The following ZNF91 variants were observed in gnomAD, a reference collection of about 807,000 sequenced individuals.
The protein encoded by ZNF91 is zinc finger protein 91, also known as zinc finger protein 91 (HPF7, HTF10).
Under a neutral mutation model 12.6 loss-of-function variants are expected in ZNF91, and 7 were observed. That is an observed-to-expected ratio of 0.55 (90% confidence interval 0.31 to 1.04). ZNF91 has a LOEUF of 1.04. Among genes scored for constraint, ZNF91 ranks in the 50% least tolerant of loss-of-function variants. The probability of loss-of-function intolerance (pLI) is 0.05; values close to 1 mark genes in which losing one functional copy is unlikely to be tolerated. For synonymous variants in ZNF91, 453 were observed against 462.6 expected, an observed-to-expected ratio of 0.98 and a Z score of 0.27; for missense variants, 1,217 against 1,385.4, an observed-to-expected ratio of 0.88 and a Z score of 1.93.
In ZNF91 at chr19:23,360,640, A is replaced by G; in HGVS notation, c.2339T>C (p.Ile780Thr). The change falls in exon 4 of 4, where the codon ATA (isoleucine) becomes ACA (threonine). Residue 780 changes from isoleucine (I) to threonine (T), a missense_variant. Ile to Thr is a moderately conservative substitution (Grantham distance 89, BLOSUM62 -1). This residue lies in a region of ZNF91 where 491 missense variants were observed against 489.8 expected (regional missense o/e 1.00). Transcript: ENST00000300619. ...FKCKECGKAF[I>T]WSSTLTRHKR... ...ATGTCTAGTTAGGGTTGAAGACCAT[A>G]TAAATGCTTTGCCACATTCTTTACA... The G allele has an allele frequency of 6.2e-7, 1 of 1,612,452 alleles. No homozygotes were observed. Among genetic ancestry groups the G allele is most frequent in the Non-Finnish European group, 8.5e-7 (1 of 1,179,598 alleles).
downstream of ZNF91, among the ~76,000 whole-genome samples, chr19:23,356,731 A>G (rs1453974701): frequency 3.3e-5 from 5 of 151,546 alleles, no homozygotes; most frequent in African/African-American, 1.2e-4. Flanking sequence ...TAACTTATGG[A>G]ACAATAAAAT....
intron 3 of ZNF91, among the ~76,000 whole-genome samples, chr19:23,344,638 T>C (rs145880921): frequency 6.6e-6 from 1 of 152,296 alleles, no homozygotes; most frequent in Non-Finnish European, 1.5e-5. Context: ...AGAGAGCTGA[T>C]GAAGCATTCA....
At chr19:23,367,737 A>G (rs752171458) in intron 3 of ZNF91, among the ~76,000 whole-genome samples, 32 of 152,204 alleles carry the variant, frequency 2.1e-4, no homozygotes, top group Admixed American at 2.1e-3. Flanking sequence ...CCTTCTGTAT[A>G]TGGCCAAATA....
chr19:23,375,915 A>C (rs1267819547), intron 1 of ZNF91, among the ~76,000 whole-genome samples: 1 of 152,174 alleles, frequency 6.6e-6, no homozygotes, highest in Non-Finnish European at 1.5e-5. Context: ...GCCCCCACTA[A>C]AGTAAATTAC....
chr19:23,308,077 T>C (rs1160939891), intron 2 of ZNF91: 2 of 152,168 alleles, frequency 1.3e-5, no homozygotes, highest in African/African-American at 4.8e-5. Context: ...AAAATTGTGA[T>C]ATATCATTGG....
chr19:23,311,810 C>T (rs1208099777), upstream of ZNF91, among the ~76,000 whole-genome samples: 5 of 151,754 alleles, frequency 3.3e-5, no homozygotes, highest in African/African-American at 7.3e-5. Flanking sequence ...TGACGTGACT[C>T]TCCTGCATGG....
rs71163490 is a variant in ZNF91 at position 23,359,226 on chromosome 19, CTT to C, written c.*175_*176del. On this transcript the variant is annotated 3_prime_UTR_variant, in exon 4 of 4. Coordinates refer to ENST00000300619, the MANE Select transcript of ZNF91 (RefSeq NM_003430.4). The stretch of plus-strand genomic sequence containing the variant: ...AGGGTTTCTCTCTAGTATGAATTTT[CTT>C]TTTTTTTTTTTTGAGACGGAGTCTC... The C allele has an allele frequency of 0.015, 5,123 of 346,016 alleles. 1 individual carries two copies. The highest frequency in any genetic ancestry group is 0.022 in the South Asian group (712 of 31,890). The allele number at this position is 346,016 out of a possible 1,614,324, so 21.4% of individuals were successfully genotyped here.
At chr19:23,385,336 C>T (rs1244977156) in intron 1 of ZNF91, 1 of 401,478 alleles carries the variant, frequency 2.5e-6, no homozygotes, top group Non-Finnish European at 4.5e-6. Context: ...GGTACAAAAA[C>T]AAACTAAACT....
In ZNF91 at chr19:23,341,776, A is replaced by G. The variant is rs552144296; in HGVS notation, c.254-2722T>C. Among the ~76,000 whole-genome samples the G allele has an allele frequency of 7.2e-5, 11 of 152,310 alleles. No homozygotes were observed. The South Asian group carries it at 2.1e-3, about 29-fold the overall frequency. ...CCTGTGATTTCTGAAACAAATCTTA[A>G]TATCACCACTCCTCTTACACATTTC... On this transcript the variant is annotated intron_variant, in intron 3 of 3. Coordinates refer to the ZNF91 transcript ENST00000599743.
intron 1 of ZNF91, among the ~76,000 whole-genome samples, chr19:23,391,021 C>T (rs116622760): frequency 0.022 from 3,416 of 152,210 alleles, 53 homozygotes; most frequent in Middle Eastern, 0.044. Flanking sequence ...GGGTATATAC[C>T]CAGTGATGGG....
At chr19:23,380,618 G>A (rs565950616) in intron 1 of ZNF91, 7 of 151,974 alleles carry the variant, frequency 4.6e-5, no homozygotes, top group South Asian at 2.1e-4. Context: ...AGTTAAAAGC[G>A]TCTTAAGAAA....
chr19:23,323,869 CTT>C (rs1967778990), intron 1 of ZNF91: 1 of 76,294 alleles, frequency 1.3e-5, no homozygotes, highest in African/African-American at 6.5e-5. Flanking sequence ...TTCTTCTCCT[CTT>C]CGTTTCCTAT....
chr19:23,357,578 A>G (rs1383485318), downstream of ZNF91: 1 of 152,250 alleles, frequency 6.6e-6, no homozygotes, highest in Non-Finnish European at 1.5e-5. Context: ...ACAGATGTGT[A>G]TATTTAACTC....
chr19:23,334,998 AT>A, downstream of ZNF91, among the ~76,000 whole-genome samples: 1 of 152,204 alleles, frequency 6.6e-6, no homozygotes. Flanking sequence ...TTTATTTATT[AT>A]TCTTTAAGTT....
chr19:23,375,163 AT>A (rs377328598), intron 1 of ZNF91, among the ~76,000 whole-genome samples: 216 of 145,896 alleles, frequency 1.5e-3, no homozygotes, highest in East Asian at 1.8e-3. Flanking sequence ...ACCACTCAAA[AT>A]TTTTTTTTTT....
chr19:23,324,009 CTT>C (rs1172000038), intron 1 of ZNF91: 3 of 149,504 alleles, frequency 2.0e-5, no homozygotes, highest in Non-Finnish European at 4.4e-5. Flanking sequence ...TCCTCCTCTC[CTT>C]TCTCTTCGTC....
At chr19:23,371,411 TG>T (rs1354232334) in intron 3 of ZNF91, among the ~76,000 whole-genome samples, 1 of 151,996 alleles carries the variant, frequency 6.6e-6, no homozygotes, top group East Asian at 1.9e-4. Context: ...TAACCAAAAC[TG>T]GGGTCATATT....
chr19:23,372,864 G>A (rs1053713717), intron 3 of ZNF91, among the ~76,000 whole-genome samples: 1 of 152,210 alleles, frequency 6.6e-6, no homozygotes, highest in Non-Finnish European at 1.5e-5. Flanking sequence ...TGAAAGCCAT[G>A]CTCATCCACA....
At chr19:23,385,219 C>T in intron 1 of ZNF91, 2 of 601,798 alleles carry the variant, frequency 3.3e-6, no homozygotes, top group East Asian at 2.7e-5. Flanking sequence ...TACAGGTTCC[C>T]TCCTCCCCCT....
Sources: allele counts gnomAD v4.1 joint callset (sites outside exome capture counted in the v4.1 genomes callset), GRCh38; gene constraint gnomAD v4.1.1; regional missense constraint gnomAD v4.1.1; transcripts MANE v1.5; gene names NCBI Gene and HGNC (gene_info 2026-07-23, HGNC 2026-07-21).